Variants in RTP2 observed in about 807,000 individuals in gnomAD.
The protein encoded by RTP2 is receptor-transporting protein 2.
A neutral mutation model predicts 17.9 loss-of-function variants in RTP2; 12 were observed. The ratio of observed to expected loss-of-function variants is 0.67; its 90% CI spans 0.43 to 1.09. RTP2 has a LOEUF of 1.09. Ranked by LOEUF, RTP2 falls within the 50% of genes least tolerant of loss-of-function variation. The pLI, the probability that RTP2 is intolerant of heterozygous loss-of-function variation, is 0.00. For synonymous variants in RTP2, 126 were observed against 117.7 expected (o/e 1.07, Z -0.46); for missense variants, 327 against 295.7 (o/e 1.11, Z -0.78).
the RTP2 span, among the ~76,000 whole-genome samples, chr3:187,709,913 A>T: frequency 5.9e-5 from 9 of 152,132 alleles, no homozygotes; most frequent in African/African-American, 1.7e-4. Flanking sequence ...CATTGGCAAC[A>T]CATGTATGAT....
upstream of RTP2, among the ~76,000 whole-genome samples, chr3:187,705,268 CT>C (rs1717963282): frequency 6.6e-6 from 1 of 152,144 alleles, no homozygotes; most frequent in African/African-American, 2.4e-5. Flanking sequence ...GTCCAAGAGG[CT>C]GAGGGCCTTC....
chr3:187,713,945 C>T, the RTP2 span, among the ~76,000 whole-genome samples: 6 of 152,144 alleles, frequency 3.9e-5, no homozygotes, highest in Non-Finnish European at 8.8e-5. Context: ...GATAGGTGTA[C>T]CTTTTTGTTA....
chr3:187,705,533 A>C (rs1318334037), upstream of RTP2, among the ~76,000 whole-genome samples: 4 of 152,224 alleles, frequency 2.6e-5, no homozygotes, highest in Non-Finnish European at 5.9e-5. Context: ...CCAGTAGAAC[A>C]TTTGTAGTTC....
In RTP2 at chr3:187,702,325, G is replaced by C; in HGVS notation, c.-197C>G. Reference sequence around the variant, plus strand: ...GCCAGGCAGGGCACCAAGAGTGAGGGCTGGGGAGAAGGGAAGCCCCAAGGG... The same window carrying C: ...GCCAGGCAGGGCACCAAGAGTGAGGCCTGGGGAGAAGGGAAGCCCCAAGGG... On this transcript the variant is annotated 5_prime_UTR_variant, in exon 1 of 2. Transcript: ENST00000358241. 1.7e-5 allele frequency: 10 copies of C among 606,002 alleles called. No homozygotes were observed. In the South Asian group the frequency reaches 1.9e-4, roughly 11 times the overall value. 37.5% of individuals were successfully genotyped at this position (606,002 alleles called of 1,614,324 possible).
rs760554423 is a variant in RTP2 at position 187,698,990 on chromosome 3, C to T, written c.186G>A (p.Trp62Ter). The T allele has an allele frequency of 1.9e-6, 3 of 1,589,510 alleles. No individual in the cohort carries two copies. The highest frequency in any genetic ancestry group is 2.2e-5 in the South Asian group (2 of 89,238). The change falls in exon 2 of 2, where the codon TGG becomes TGA. Residue 62 changes from tryptophan (W) to a stop codon, truncating the protein, a stop_gained. Coordinates refer to ENST00000358241, the Ensembl canonical transcript of RTP2. LOFTEE classifies it high-confidence loss of function. ...CCACATGGGCAGACTGCCAGGTGTG[C>T]CAGCACCAGGAGCAGTGGAACCTGC...
the RTP2 span, among the ~76,000 whole-genome samples, chr3:187,708,377 G>C: frequency 6.6e-6 from 1 of 152,196 alleles, no homozygotes; most frequent in Non-Finnish European, 1.5e-5. Flanking sequence ...GCTGGTGCCG[G>C]TGCCATAACA....
At chr3:187,699,694 G>T (rs1717791918) in intron 1 of RTP2, among the ~76,000 whole-genome samples, 1 of 151,208 alleles carries the variant, frequency 6.6e-6, no homozygotes, top group Non-Finnish European at 1.5e-5. Flanking sequence ...CTGCAGTGGG[G>T]ACTGGAAAAG....
chr3:187,705,236 A>G (rs1421739928), upstream of RTP2, among the ~76,000 whole-genome samples: 1 of 152,100 alleles, frequency 6.6e-6, no homozygotes, highest in Non-Finnish European at 1.5e-5. Flanking sequence ...CACTTTCAGC[A>G]GGTACAGCCT....
chr3:187,699,016 C>A lies in RTP2; in HGVS notation c.165-5G>T, dbSNP rs1249512524. 1.9e-6 allele frequency: 3 copies of A among 1,571,934 alleles called. No homozygotes were observed. In the Admixed American group the frequency reaches 5.2e-5, roughly 27 times the overall value. Reference sequence around the variant, plus strand: ...CAGCACCAGGAGCAGTGGAACCTGCCGGGAGGAGAAGGAGGGGTGGAGAAG... The same window carrying A: ...CAGCACCAGGAGCAGTGGAACCTGCAGGGAGGAGAAGGAGGGGTGGAGAAG... On this transcript the variant is annotated splice_region_variant and splice_polypyrimidine_tract_variant and intron_variant, in intron 1 of 1. Transcript: ENST00000358241.
chr3:187,712,719 C>T, the RTP2 span, among the ~76,000 whole-genome samples: 3 of 152,122 alleles, frequency 2.0e-5, no homozygotes, highest in Non-Finnish European at 2.9e-5. Context: ...AAGGGCTGGA[C>T]CCGAGGAATT....
the RTP2 span, among the ~76,000 whole-genome samples, chr3:187,709,380 G>A: frequency 6.6e-6 from 1 of 152,114 alleles, no homozygotes; most frequent in African/African-American, 2.4e-5. Context: ...CACTGCACAG[G>A]CAGTACCTTG....
At chr3:187,702,391 G>T in exon 1 of RTP2, 1 of 551,370 alleles carries the variant, frequency 1.8e-6, no homozygotes, top group East Asian at 4.0e-5. Flanking sequence ...AGGCAGCGCT[G>T]GGTAGGCCTG....
upstream of RTP2, among the ~76,000 whole-genome samples, chr3:187,703,587 TGGAAA>T (rs933281705): frequency 1.4e-4 from 21 of 152,142 alleles, no homozygotes; most frequent in African/African-American, 3.6e-4. Flanking sequence ...GGCCTGGAAA[TGGAAA>T]ATTACTGGCC....
chr3:187,701,918 G>T, intron 1 of RTP2, 47 bp downstream of exon 1: 1 of 1,511,378 alleles, frequency 6.6e-7, no homozygotes, highest in Non-Finnish European at 8.9e-7. Context: ...CCCCACAGCT[G>T]TGACCCAGGG....
exon 2 of RTP2, chr3:187,698,924 C>T (rs371450337): frequency 6.3e-5 from 102 of 1,610,114 alleles, no homozygotes; most frequent in Admixed American, 2.0e-4. Context: ...GCACCGAGCC[C>T]GCCCGCTGGG....
the RTP2 span, among the ~76,000 whole-genome samples, chr3:187,707,561 T>G: frequency 5.9e-5 from 9 of 152,106 alleles, no homozygotes; most frequent in Admixed American, 5.9e-4. Flanking sequence ...TTCTTGAGAC[T>G]CCATATCATT....
At chr3:187,698,860 C>T (rs777861276) in exon 2 of RTP2, 8 of 1,613,034 alleles carry the variant, frequency 5.0e-6, no homozygotes, top group South Asian at 3.3e-5. Context: ...ATGCTGGACT[C>T]GTCCAGCCGC....
chr3:187,714,602 G>T, the RTP2 span, among the ~76,000 whole-genome samples: 1 of 152,300 alleles, frequency 6.6e-6, no homozygotes, highest in South Asian at 2.1e-4. Context: ...GTGGCTATTT[G>T]CTAGAATGCA....
At chr3:187,714,419 T>A in the RTP2 span, among the ~76,000 whole-genome samples, 9 of 152,188 alleles carry the variant, frequency 5.9e-5, no homozygotes, top group Non-Finnish European at 1.0e-4. Flanking sequence ...CTCAGTCAGT[T>A]CTGTTAAATG....
Sources: allele counts gnomAD v4.1 joint callset (sites outside exome capture counted in the v4.1 genomes callset), GRCh38; gene constraint gnomAD v4.1.1; transcripts MANE v1.5; gene names NCBI Gene and HGNC (gene_info 2026-07-23, HGNC 2026-07-21).